The following SRBD1 variants were observed in gnomAD, a reference collection of about 807,000 sequenced individuals.
The protein encoded by SRBD1 is S1 RNA binding domain 1.
Under a neutral mutation model 115.3 loss-of-function variants are expected in SRBD1, and 88 were observed. The observed-to-expected ratio is 0.76, with a 90% CI of 0.64 to 0.91. The LOEUF (loss-of-function observed/expected upper bound fraction) is 0.91, where lower values mean the gene tolerates loss of function less well. Among genes scored for constraint, SRBD1 ranks in the 40% least tolerant of loss-of-function variants. SRBD1 has a pLI of 0.00. For synonymous variants in SRBD1, 509 were observed against 407.7 expected, an observed-to-expected ratio of 1.25 and a Z score of -2.99; for missense variants, 1,385 against 1,177.4, an observed-to-expected ratio of 1.18 and a Z score of -2.58.
chr2:45,587,000 T>TAA (rs1244636770), intron 4 of SRBD1, among the ~76,000 whole-genome samples: 70 of 59,382 alleles, frequency 1.2e-3, no homozygotes, highest in African/African-American at 2.7e-3. Context: ...TTTAAATATT[T>TAA]AATTATTTTA....
intron 4 of SRBD1, among the ~76,000 whole-genome samples, chr2:45,591,667 G>A (rs909762568): frequency 2.0e-5 from 3 of 152,162 alleles, no homozygotes; most frequent in Admixed American, 2.0e-4. Flanking sequence ...GCTGTTACAG[G>A]TAGTTAGACA....
intron 14 of SRBD1, among the ~76,000 whole-genome samples, chr2:45,534,887 G>A (rs1338706487): frequency 6.6e-6 from 1 of 151,824 alleles, no homozygotes; most frequent in South Asian, 2.1e-4. Context: ...CAGGACAGGG[G>A]AGATCTGCTG....
At chr2:45,484,111 C>A (rs1036287184) in intron 15 of SRBD1, among the ~76,000 whole-genome samples, 1 of 151,934 alleles carries the variant, frequency 6.6e-6, no homozygotes, top group Non-Finnish European at 1.5e-5. Flanking sequence ...CTCCAAGTAG[C>A]TTTTTTTCTT....
intron 14 of SRBD1, among the ~76,000 whole-genome samples, chr2:45,491,941 C>A (rs1310443213): frequency 6.6e-6 from 1 of 151,314 alleles, no homozygotes; most frequent in Non-Finnish European, 1.5e-5. Flanking sequence ...CCTGCCTCAG[C>A]CTCCCGAGTA....
chr2:45,457,805 CTAAAA>C, intron 16 of SRBD1, among the ~76,000 whole-genome samples: 1 of 151,950 alleles, frequency 6.6e-6, no homozygotes, highest in Admixed American at 6.6e-5. Context: ...TGCATTTAAA[CTAAAA>C]TATTTTCAAG....
At chr2:45,464,709 A>C (rs1282834327) in intron 16 of SRBD1, among the ~76,000 whole-genome samples, 1 of 152,188 alleles carries the variant, frequency 6.6e-6, no homozygotes. Flanking sequence ...CACAGGTATA[A>C]AACACTGAGA....
At chr2:45,472,957 T>G (rs1669694851) in intron 16 of SRBD1, among the ~76,000 whole-genome samples, 1 of 41,144 alleles carries the variant, frequency 2.4e-5, no homozygotes, top group African/African-American at 6.1e-5. Context: ...ATCAAGGTTG[T>G]TTTTTTTTTC....
At chr2:45,426,861 C>T (rs1025957213) in intron 16 of SRBD1, among the ~76,000 whole-genome samples, 7 of 152,096 alleles carry the variant, frequency 4.6e-5, no homozygotes, top group Non-Finnish European at 1.0e-4. Flanking sequence ...ACATCAAAGA[C>T]CAAAGGTAGA....
At chr2:45,520,492 G>C (rs1171032411) in intron 14 of SRBD1, among the ~76,000 whole-genome samples, 3 of 152,176 alleles carry the variant, frequency 2.0e-5, no homozygotes, top group African/African-American at 7.2e-5. Context: ...GCAGTTCCCC[G>C]GCAAAGGCCC....
chr2:45,426,677 C>G (rs1253180706), intron 16 of SRBD1, among the ~76,000 whole-genome samples: 3 of 152,174 alleles, frequency 2.0e-5, no homozygotes, highest in Admixed American at 6.5e-5. Flanking sequence ...CTTTGCTGTT[C>G]TGCAGCCTCC....
intron 19 of SRBD1, among the ~76,000 whole-genome samples, chr2:45,399,017 A>T (rs1667222853): frequency 6.6e-6 from 1 of 152,166 alleles, no homozygotes; most frequent in Non-Finnish European, 1.5e-5. Context: ...GTGACATTAA[A>T]ATATCAGTCT....
chr2:45,569,237 T>C (rs1474177485), intron 9 of SRBD1: 1 of 152,240 alleles, frequency 6.6e-6, no homozygotes, highest in Non-Finnish European at 1.5e-5. Context: ...TGGAATGCAG[T>C]GGCTATTCAC....
chr2:45,573,509 T>C (rs1182376783), intron 8 of SRBD1, among the ~76,000 whole-genome samples, 167 bp from the exon 9 acceptor site: 2 of 152,180 alleles, frequency 1.3e-5, no homozygotes, highest in African/African-American at 4.8e-5. Flanking sequence ...AAAGGACTCT[T>C]TGCCTATTCA....
chr2:45,436,907 G>A (rs1020557070), intron 16 of SRBD1, among the ~76,000 whole-genome samples: 6 of 152,230 alleles, frequency 3.9e-5, no homozygotes, highest in Admixed American at 2.6e-4. Context: ...GAACTAATAC[G>A]TGATCACAGC....
intron 18 of SRBD1, among the ~76,000 whole-genome samples, chr2:45,414,608 AGT>A (rs201710200): frequency 0.017 from 2,363 of 140,354 alleles, 28 homozygotes; most frequent in Non-Finnish European, 0.025. Flanking sequence ...TAGTGTGTAT[AGT>A]GTGTGTACAC....
At chr2:45,392,458 G>C (rs1667030399) in intron 20 of SRBD1, among the ~76,000 whole-genome samples, 1 of 152,208 alleles carries the variant, frequency 6.6e-6, no homozygotes, top group Non-Finnish European at 1.5e-5. Flanking sequence ...TGTGCTGAAA[G>C]CTGAGAGCAC....
At chr2:45,557,884 A>G (rs1028157721) in intron 10 of SRBD1, among the ~76,000 whole-genome samples, 4 of 152,218 alleles carry the variant, frequency 2.6e-5, no homozygotes, top group Admixed American at 2.6e-4. Flanking sequence ...CCAAATATAC[A>G]TTGCAAAACA....
chr2:45,605,581 C>T (rs766346848), intron 1 of SRBD1, 140 bp from the exon 2 acceptor site: 12 of 783,408 alleles, frequency 1.5e-5, no homozygotes, highest in Non-Finnish European at 2.3e-5. Flanking sequence ...GCCCAAACAT[C>T]AGTTTCCTCT....
intron 14 of SRBD1, among the ~76,000 whole-genome samples, chr2:45,521,094 G>C (rs1322802613): frequency 6.6e-6 from 1 of 152,058 alleles, no homozygotes; most frequent in Admixed American, 6.6e-5. Context: ...TAAGAGGTTT[G>C]AACAGCGGCA....
Sources: allele counts gnomAD v4.1 joint callset (sites outside exome capture counted in the v4.1 genomes callset), GRCh38; gene constraint gnomAD v4.1.1; transcripts MANE v1.5; gene names NCBI Gene and HGNC (gene_info 2026-07-23, HGNC 2026-07-21).